The following DNAH1 variants were observed in gnomAD, a reference collection of about 807,000 sequenced individuals.
DNAH1 encodes dynein axonemal heavy chain 1.
A neutral mutation model predicts 484.3 loss-of-function variants in DNAH1; 327 were observed. The ratio of observed to expected loss-of-function variants is 0.68; its 90% CI spans 0.62 to 0.74. The LOEUF (loss-of-function observed/expected upper bound fraction) is 0.74, where lower values mean the gene tolerates loss of function less well. DNAH1 is among the 30% of genes least tolerant of loss of function. The pLI is 0.00. For missense variants in DNAH1, 5,052 were observed against 5,546.8 expected (o/e 0.91, Z 2.83); for synonymous variants, 2,192 against 2,191.9 (o/e 1.00, Z 0.00).
At position 52,372,735 on chromosome 3, in the gene DNAH1, A is replaced by G. The variant is rs184794756; in HGVS notation, c.6828-161A>G. Among the ~76,000 whole-genome samples the G allele has an allele frequency of 1.4e-3, 207 of 152,358 alleles. 1 individual carries two copies. Among genetic ancestry groups the G allele is most frequent in the Admixed American group, 0.01 (158 of 15,308 alleles). On this transcript the variant is annotated intron_variant, in intron 43 of 77. Transcript: ENST00000420323. ...CAGCCTGTCCCAGCTGTCCCAGGACACTCAGAACAAGGATGAGGGTGGGTC... is the reference window on the plus strand; with the variant it reads ...CAGCCTGTCCCAGCTGTCCCAGGACGCTCAGAACAAGGATGAGGGTGGGTC...
rs370235547 is a variant in DNAH1, at chr3:52,366,855, G to A, written c.5733G>A (p.Leu1911=). Residue 1911 remains leucine, a synonymous_variant, in exon 36 of 78, where the codon CTG becomes CTA. Coordinates refer to ENST00000420323, the MANE Select transcript of DNAH1 (RefSeq NM_015512.5). ...LNPKSITMGQ[L]YGEFDLLTHE... ...CCAAGTCCATCACGATGGGCCAGCT[G>A]TACGGGGAGTTTGACCTCCTCACCC... 6.2e-7 allele frequency: 1 copy of A among 1,613,640 alleles called. No individual in the cohort carries two copies. Among genetic ancestry groups the A allele is most frequent in the Non-Finnish European group, 8.5e-7 (1 of 1,179,736 alleles).
At position 52,322,581 on chromosome 3, in the gene DNAH1, T is replaced by A. The variant is rs1217175680; in HGVS notation, c.139T>A (p.Tyr47Asn). 1 of 1,613,884 alleles carries A rather than the reference T, an allele frequency of 6.2e-7. No individual in the cohort carries two copies. Among genetic ancestry groups the A allele is most frequent in the Non-Finnish European group, 8.5e-7 (1 of 1,179,856 alleles). ...NPGKILPGSD[Y>N]GLGNPPALDP... ...GGGGAAGATTCTTCCAGGATCAGAC[T>A]ATGGGTTGGGAAATCCTCCAGCCCT... Residue 47 changes from tyrosine to asparagine, a missense_variant, in exon 2 of 78, where the codon TAT becomes AAT. By Grantham distance (143) the Tyr-to-Asn change is moderately radical. Transcript: ENST00000420323.
At chr3:52,328,279 G>A (rs1437867127) in intron 6 of DNAH1, among the ~76,000 whole-genome samples, 4 of 152,172 alleles carry the variant, frequency 2.6e-5, no homozygotes, top group Non-Finnish European at 4.4e-5. Flanking sequence ...AGTAAAATAT[G>A]TACATGCTCA....
Position 52,394,678 on chromosome 3 carries a change from AAT to A in DNAH1, c.10823+20_10823+21del. 6.4e-7 allele frequency: 1 copy of A among 1,554,010 alleles called. No individual in the cohort carries two copies. Among genetic ancestry groups the A allele is most frequent in the Non-Finnish European group, 8.7e-7 (1 of 1,146,746 alleles). On this transcript the variant is annotated intron_variant, in intron 67 of 77. Transcript: ENST00000420323. ...GCCCCACCGGTTAGCTGGGCCCCAG[AAT>A]ATGGCAGGATGAGCCCATCGAGGGG...
intron 65 of DNAH1, 55 bp from the exon 66 acceptor site, chr3:52,393,279 G>A (rs1371427820): frequency 3.1e-6 from 5 of 1,602,424 alleles, no homozygotes; most frequent in Admixed American, 1.7e-5. Flanking sequence ...GCTGGACCCC[G>A]GGGCTCTTCC....
In DNAH1 at chr3:52,389,471, G is replaced by A. The variant is rs1415017697; in HGVS notation, c.9506G>A (p.Arg3169His). ...CTGGCATCTCCCCAGGGCCAGTACC[G>A]CACGGTGCTCTACGACAGCTGGGTC... is the stretch of plus-strand genomic sequence containing the variant. ...AYLGPFTGQY[R>H]TVLYDSWVKQ... is the part of the protein sequence containing the mutation. Residue 3169 changes from arginine to histidine, a missense_variant, in exon 60 of 78, where the codon CGC becomes CAC. Physicochemically the swap from Arg to His is conservative, Grantham distance 29. Around this residue, in one of 4 missense-constraint regions of DNAH1, gnomAD observed 2,929 missense variants for 3,409.4 expected, o/e 0.86. Coordinates refer to ENST00000420323, the MANE Select transcript of DNAH1 (RefSeq NM_015512.5). 15 of 1,610,076 alleles carry A rather than the reference G, an allele frequency of 9.3e-6. No individual in the cohort carries two copies. The highest frequency in any genetic ancestry group is 2.2e-5 in the South Asian group (2 of 90,124).
intron 46 of DNAH1, among the ~76,000 whole-genome samples, chr3:52,376,472 G>A (rs1703607827): frequency 6.6e-6 from 1 of 152,170 alleles, no homozygotes; most frequent in African/African-American, 2.4e-5. Context: ...TCGAGAAACA[G>A]CTCCCTTTTG....
At chr3:52,337,724 T>C (rs963077066) in intron 8 of DNAH1, among the ~76,000 whole-genome samples, 1 of 152,252 alleles carries the variant, frequency 6.6e-6, no homozygotes, top group Non-Finnish European at 1.5e-5. Flanking sequence ...GTGGTTTCTT[T>C]TATAGTCTCC....
chr3:52,350,204 A>C (rs1702317461), intron 15 of DNAH1, 96 bp downstream of exon 15: 1 of 1,514,978 alleles, frequency 6.6e-7, no homozygotes, highest in Admixed American at 2.0e-5. Context: ...GGTCGGACTC[A>C]GGAGGCTGAG....
At chr3:52,342,393 G>A (rs531649937) in intron 8 of DNAH1, among the ~76,000 whole-genome samples, 1 of 152,370 alleles carries the variant, frequency 6.6e-6, no homozygotes, top group South Asian at 2.1e-4. Context: ...GGGGGCAAGA[G>A]TGGAAGCAGG....
At chr3:52,373,689 C>T in intron 44 of DNAH1, 1 of 1,376,956 alleles carries the variant, frequency 7.3e-7, no homozygotes, top group Non-Finnish European at 1.0e-6. Context: ...GTTTTTTATC[C>T]AGAAGTTATG....
intron 3 of DNAH1, among the ~76,000 whole-genome samples, chr3:52,325,615 C>T (rs568115058): frequency 1.9e-4 from 29 of 152,310 alleles, no homozygotes; most frequent in South Asian, 6.2e-4. Context: ...ATACCCTGCT[C>T]ATCTAAGTAG....
In DNAH1 at chr3:52,381,253, A is replaced by G. The variant is rs1703832099; in HGVS notation, c.7609-387A>G. Among the ~76,000 whole-genome samples, 1 of 152,046 alleles carries G rather than the reference A, an allele frequency of 6.6e-6. No homozygotes were observed. The highest frequency in any genetic ancestry group is 2.1e-4 in the South Asian group (1 of 4,822). ...GTAGCTGGGACCACAGGCACGCACCACCACGCCCAGCTAATTTTTATTTTT... is the reference window on the plus strand; with the variant it reads ...GTAGCTGGGACCACAGGCACGCACCGCCACGCCCAGCTAATTTTTATTTTT... On this transcript the variant is annotated intron_variant, in intron 48 of 77. Transcript: ENST00000420323. This position sits in a 1 kb window ranked among gnomAD's most constrained non-coding sequence, Gnocchi z 4.1.
chr3:52,391,278 A>G lies in DNAH1; in HGVS notation c.9841A>G (p.Asn3281Asp), dbSNP rs756243834. ...IRFGKPCLLE[N>D]VGEELDPALE... ...CTTTGGCAAGCCATGTCTCCTGGAG[A>G]ACGTGGGCGAGGAGCTAGACCCAGC... Residue 3281 changes from asparagine to aspartate, a missense_variant, in exon 62 of 78, where the codon AAC becomes GAC. Coordinates refer to ENST00000420323, the MANE Select transcript of DNAH1 (RefSeq NM_015512.5). 6 of 1,613,284 alleles carry G rather than the reference A, an allele frequency of 3.7e-6. No individual in the cohort carries two copies. Among genetic ancestry groups the G allele is most frequent in the Non-Finnish European group, 5.1e-6 (6 of 1,179,602 alleles).
chr3:52,327,796 G>A, intron 5 of DNAH1, 86 bp from the exon 6 acceptor site: 2 of 1,527,112 alleles, frequency 1.3e-6, no homozygotes, highest in Non-Finnish European at 1.8e-6. Context: ...GTATTACTTA[G>A]GCACCCCATC....
Position 52,386,807 on chromosome 3 carries a change from T to C in DNAH1, c.8957T>C (p.Leu2986Pro). 2 of 1,591,962 alleles carry C rather than the reference T, an allele frequency of 1.3e-6. No individual in the cohort carries two copies. Among genetic ancestry groups the C allele is most frequent in the Non-Finnish European group, 1.7e-6 (2 of 1,169,576 alleles). ...TACTGGGAGCCTGGCAAGGGGCTGC[T>C]GCAGGACCCGGGCCACTTCCTTGAG... ...DDYWEPGKGL[L>P]QDPGHFLESL... Residue 2986 changes from leucine to proline, a missense_variant, in exon 56 of 78, where the codon CTG (leucine) becomes CCG (proline). Around this residue, in one of 4 missense-constraint regions of DNAH1, gnomAD observed 2,929 missense variants for 3,409.4 expected, o/e 0.86. Transcript: ENST00000420323.
chr3:52,378,485 G>C, intron 46 of DNAH1, 117 bp from the exon 47 acceptor site: 2 of 1,139,250 alleles, frequency 1.8e-6, no homozygotes, highest in Non-Finnish European at 2.6e-6. Context: ...AAGCCTGAAG[G>C]CTGGGGAAGG....
At chr3:52,310,975 T>G in the DNAH1 span, among the ~76,000 whole-genome samples, 3 of 152,216 alleles carry the variant, frequency 2.0e-5, no homozygotes, top group African/African-American at 7.2e-5. Context: ...GCTGGTGTTG[T>G]GCAGGGCAGG....
intron 3 of DNAH1, among the ~76,000 whole-genome samples, chr3:52,324,711 C>T (rs1323698656): frequency 1.3e-5 from 2 of 152,210 alleles, no homozygotes; most frequent in African/African-American, 4.8e-5. Context: ...CCAACAGTCT[C>T]ACAAGTATCT....
Sources: gnomAD v4.1 joint callset for allele counts (sites outside exome capture counted in the v4.1 genomes callset) on GRCh38, gnomAD v4.1.1 for gene constraint, gnomAD v4.1.1 regional missense constraint, Gnocchi (gnomAD v3.1) non-coding constraint, MANE v1.5 for transcripts, NCBI Gene and HGNC (gene_info 2026-07-23, HGNC 2026-07-21) for gene names.